The following PDCL variants were observed in gnomAD, a reference collection of about 807,000 sequenced individuals.
PDCL encodes the protein phosducin-like protein.
Under a neutral mutation model 26.7 loss-of-function variants are expected in PDCL, and 11 were observed. The observed-to-expected ratio is 0.41, with a 90% CI of 0.26 to 0.68. PDCL has a LOEUF of 0.68. Ranked by LOEUF, PDCL falls within the 30% of genes least tolerant of loss-of-function variation. The pLI, the probability that PDCL is intolerant of heterozygous loss-of-function variation, is 0.30. For synonymous variants in PDCL, 118 were observed against 134.9 expected (o/e 0.87, Z 0.87); for missense variants, 330 against 371.6 (o/e 0.89, Z 0.92).
chr9:122,819,898 AAG>A lies in PDCL; in HGVS notation c.*185_*186del. On this transcript the variant is annotated 3_prime_UTR_variant, in exon 4 of 4. Transcript: ENST00000259467. ...CCTGGCTTCCTGTTTATACAACTGT[AAG>A]TCACCTTATTGCTAGCTACAAGGTT... The A allele has an allele frequency of 2.0e-6, 1 of 509,558 alleles. No individual in the cohort carries two copies. The highest frequency in any genetic ancestry group is 3.4e-6 in the Non-Finnish European group (1 of 293,766). 31.6% of individuals were successfully genotyped at this position (509,558 alleles called of 1,614,324 possible). A position where few individuals can be genotyped will look rare whatever the true frequency, so the allele number is the denominator to read the frequency against.
At chr9:122,828,161 G>A (rs1359888267) in intron 1 of PDCL, among the ~76,000 whole-genome samples, 1 of 152,150 alleles carries the variant, frequency 6.6e-6, no homozygotes, top group Non-Finnish European at 1.5e-5. Flanking sequence ...GCGGCGGAGG[G>A]GAGGGAAGGA....
At chr9:122,824,310 C>T (rs1033372688) in intron 2 of PDCL, among the ~76,000 whole-genome samples, 14 of 152,160 alleles carry the variant, frequency 9.2e-5, no homozygotes, top group Admixed American at 2.0e-4. Flanking sequence ...TGAAGTATGC[C>T]ATGTCTGAGC....
rs1829575499 is a variant in PDCL at position 122,823,207 on chromosome 9, G to A, written c.173-10C>T. ...ATCACACCTTTTGGGCCTGAGTAGG[G>A]TGAACACGGATGTGACCAAGGAGAA... is the stretch of plus-strand genomic sequence containing the variant. On this transcript the variant is annotated splice_polypyrimidine_tract_variant and intron_variant, in intron 2 of 3. Transcript: ENST00000259467. 2 of 1,613,820 alleles carry A rather than the reference G, an allele frequency of 1.2e-6. No individual in the cohort carries two copies. The highest frequency in any genetic ancestry group is 1.7e-6 in the Non-Finnish European group (2 of 1,179,866).
At chr9:122,826,537 T>TACA in intron 2 of PDCL, 79 bp downstream of exon 2, 2 of 1,174,700 alleles carry the variant, frequency 1.7e-6, no homozygotes, top group Non-Finnish European at 2.3e-6. Flanking sequence ...GAGAATTAAT[T>TACA]TATTAATATG....
At chr9:122,821,584 T>A (rs962637990) in intron 3 of PDCL, among the ~76,000 whole-genome samples, 8 of 152,218 alleles carry the variant, frequency 5.3e-5, no homozygotes, top group Non-Finnish European at 8.8e-5. Context: ...CAAATATTTT[T>A]ATGAAATTAT....
At chr9:122,825,260 C>T (rs1457023164) in intron 2 of PDCL, among the ~76,000 whole-genome samples, 1 of 151,822 alleles carries the variant, frequency 6.6e-6, no homozygotes, top group Non-Finnish European at 1.5e-5. Flanking sequence ...CTCCGGGGTT[C>T]AAGCAATTCT....
chr9:122,820,120 A>G lies in PDCL; in HGVS notation c.871T>C (p.Cys291Arg), dbSNP rs142511594. Residue 291 changes from cysteine to arginine, a missense_variant, in exon 4 of 4, where the codon TGT becomes CGT. Physicochemically the swap from Cys to Arg is radical, Grantham distance 180. Coordinates refer to ENST00000259467, the MANE Select transcript of PDCL (RefSeq NM_005388.5). ...VLTSVRNSAT[C>R]HSEDSDLEID is the part of the protein sequence containing the mutation. Reference sequence around the variant, plus strand: ...TCCAGGTCGCTATCCTCACTGTGACACGTGGCAGAGTTACGCACAGATGTC... The same window carrying G: ...TCCAGGTCGCTATCCTCACTGTGACGCGTGGCAGAGTTACGCACAGATGTC... 52 of 1,612,876 alleles carry G rather than the reference A, an allele frequency of 3.2e-5. 1 individual carries two copies. The African/African-American group carries it at 5.9e-4, about 18-fold the overall frequency.
chr9:122,821,796 G>A (rs1226857506), intron 3 of PDCL, among the ~76,000 whole-genome samples: 1 of 152,036 alleles, frequency 6.6e-6, no homozygotes, highest in Non-Finnish European at 1.5e-5. Flanking sequence ...CCAAGAGACA[G>A]CTTAAGCTAC....
intron 1 of PDCL, among the ~76,000 whole-genome samples, chr9:122,827,725 C>G (rs989037639): frequency 6.6e-6 from 1 of 152,042 alleles, no homozygotes; most frequent in Middle Eastern, 3.4e-3. Flanking sequence ...GAGCGAGACT[C>G]TGTTTCAAAA....
Position 122,822,991 on chromosome 9 carries a change from G to A in PDCL, c.354+25C>T, listed in dbSNP as rs115436275. 2,283 of 1,606,292 alleles carry A rather than the reference G, an allele frequency of 1.4e-3. 33 individuals carry two copies. The African/African-American group carries it at 0.028, about 19-fold the overall frequency. On this transcript the variant is annotated intron_variant, in intron 3 of 3. Coordinates refer to ENST00000259467, the MANE Select transcript of PDCL (RefSeq NM_005388.5). ...CTCTAGCAGCCACAGCAGACTCTAA[G>A]AAAAGCCTGAGTACTGCTAATTACC... is the stretch of plus-strand genomic sequence containing the variant.
intron 1 of PDCL, among the ~76,000 whole-genome samples, chr9:122,827,100 C>G (rs752078092): frequency 1.3e-5 from 2 of 152,174 alleles, no homozygotes; most frequent in Non-Finnish European, 2.9e-5. Context: ...ATAAATTACT[C>G]TAGTCTGAGT....
Position 122,821,717 on chromosome 9 carries a change from T to C in PDCL, c.355-1081A>G, listed in dbSNP as rs529301142. Among the ~76,000 whole-genome samples the C allele has an allele frequency of 7.1e-4, 108 of 152,270 alleles. 1 individual carries two copies. In the Middle Eastern group the frequency reaches 0.01, roughly 14 times the overall value. ...CTCACAAGACTGATCCATGTGATGATATGATGTTGCCTCATTCTGGCCTCT... is the reference window on the plus strand; with the variant it reads ...CTCACAAGACTGATCCATGTGATGACATGATGTTGCCTCATTCTGGCCTCT... On this transcript the variant is annotated intron_variant, in intron 3 of 3. Coordinates refer to ENST00000259467, the MANE Select transcript of PDCL (RefSeq NM_005388.5).
chr9:122,820,570 G>T lies in PDCL; in HGVS notation c.421C>A (p.Arg141=). The T allele has an allele frequency of 6.2e-7, 1 of 1,613,884 alleles. No individual in the cohort carries two copies. The highest frequency in any genetic ancestry group is 8.5e-7 in the Non-Finnish European group (1 of 1,179,978). The change falls in exon 4 of 4, where the codon CGG becomes AGG. Residue 141 remains arginine (R), a synonymous_variant. Coordinates refer to ENST00000259467, the MANE Select transcript of PDCL (RefSeq NM_005388.5). The part of the protein sequence containing the change: ...QDDEEFLQQY[R]KQRMEEMRQQ... The stretch of plus-strand genomic sequence containing the variant: ...CGCATCTCTTCCATTCGCTGCTTCC[G>T]GTACTGCTGCAGAAACTCTTCATCA...
intron 3 of PDCL, 145 bp from the exon 4 acceptor site, chr9:122,820,781 C>A: frequency 1.5e-4 from 73 of 494,466 alleles, no homozygotes; most frequent in Non-Finnish European, 2.0e-4. Flanking sequence ...GTCAGGAGTT[C>A]AAGACCAGCC....
rs1203554224 is a variant in PDCL at position 122,823,086 on chromosome 9, C to T, written c.284G>A (p.Cys95Tyr). The change falls in exon 3 of 4, where the codon TGC (cysteine) becomes TAC (tyrosine). Residue 95 changes from cysteine (C) to tyrosine (Y), a missense_variant. Physicochemically the swap from Cys to Tyr is radical, Grantham distance 194. Coordinates refer to ENST00000259467, the MANE Select transcript of PDCL (RefSeq NM_005388.5). ...ERLIKKLSMT[C>Y]RSHLDEEEEQ... ...CTCCTCTTCATCCAGATGGGACCTGCAAGTCATTGACAGCTTCTTGATCAG... is the reference window on the plus strand; with the variant it reads ...CTCCTCTTCATCCAGATGGGACCTGTAAGTCATTGACAGCTTCTTGATCAG... The T allele has an allele frequency of 1.2e-6, 2 of 1,614,054 alleles. No homozygotes were observed. The highest frequency in any genetic ancestry group is 1.7e-6 in the Non-Finnish European group (2 of 1,180,038).
Position 122,819,445 on chromosome 9 carries a change from A to C in PDCL, c.*640T>G, listed in dbSNP as rs1447504578. On this transcript the variant is annotated 3_prime_UTR_variant, in exon 4 of 4. Transcript: ENST00000259467. Reference sequence around the variant, plus strand: ...AGCCCCACTCCAGCTCTAATGTTTAAATCCATAAACTACTTGTCTTCTAAC... The same window carrying C: ...AGCCCCACTCCAGCTCTAATGTTTACATCCATAAACTACTTGTCTTCTAAC... 1 of 152,206 alleles carries C rather than the reference A, an allele frequency of 6.6e-6. No homozygotes were observed. The highest frequency in any genetic ancestry group is 1.5e-5 in the Non-Finnish European group (1 of 68,034). 9.4% of individuals were successfully genotyped at this position (152,206 alleles called of 1,614,324 possible). A position where few individuals can be genotyped will look rare whatever the true frequency, so the allele number is the denominator to read the frequency against.
intron 2 of PDCL, 134 bp downstream of exon 2, chr9:122,826,482 G>A (rs1042666202): frequency 1.9e-5 from 13 of 699,410 alleles, no homozygotes; most frequent in Non-Finnish European, 2.9e-5. Context: ...ATAATGAAAA[G>A]ACTAGGTTAC....
intron 3 of PDCL, among the ~76,000 whole-genome samples, chr9:122,821,375 G>GA (rs1228139154): frequency 1.3e-5 from 2 of 151,414 alleles, no homozygotes; most frequent in South Asian, 2.1e-4. Flanking sequence ...CAGAATTTTA[G>GA]AAAAAACTCT....
chr9:122,827,240 C>A (rs1361631087), intron 1 of PDCL, among the ~76,000 whole-genome samples: 7 of 152,162 alleles, frequency 4.6e-5, no homozygotes, highest in Non-Finnish European at 8.8e-5. Flanking sequence ...TCAGGAAAAA[C>A]CCCAAAAAGA....
Sources: allele counts gnomAD v4.1 joint callset (sites outside exome capture counted in the v4.1 genomes callset), GRCh38; gene constraint gnomAD v4.1.1; transcripts MANE v1.5; gene names NCBI Gene and HGNC (gene_info 2026-07-23, HGNC 2026-07-21).